ABCC5: variants seen among roughly 807,000 people sequenced by gnomAD.
ABCC5 encodes ATP binding cassette subfamily C member 5.
In ABCC5, 61 loss-of-function variants were observed where a neutral mutation model predicts 160.9. That is an observed-to-expected ratio of 0.38 (90% CI 0.31 to 0.47). The LOEUF (loss-of-function observed/expected upper bound fraction) is 0.47. Ranked by LOEUF, ABCC5 falls within the 20% of genes least tolerant of loss-of-function variation. The pLI is 0.99. For missense variants in ABCC5, 1,308 were observed against 1,813.3 expected (o/e 0.72, Z 5.06); for synonymous variants, 666 against 700.6 (o/e 0.95, Z 0.78).
rs1712872398 is a variant in ABCC5 at position 183,928,830 on chromosome 3, G to A, written c.3855-5C>T. 1 of 1,613,530 alleles carries A rather than the reference G, an allele frequency of 6.2e-7. No individual in the cohort carries two copies. The highest frequency in any genetic ancestry group is 1.1e-5 in the South Asian group (1 of 91,046). On this transcript the variant is annotated splice_region_variant and splice_polypyrimidine_tract_variant and intron_variant, in intron 26 of 29. Transcript: ENST00000334444. The stretch of plus-strand genomic sequence containing the variant: ...TTGAAGGGGTCCAAATTTGATCTAG[G>A]GAGAAACACAGGAATTTCTCAGTGG...
intron 2 of ABCC5, among the ~76,000 whole-genome samples, chr3:184,007,493 T>G (rs886202564): frequency 2.0e-5 from 3 of 152,112 alleles, no homozygotes; most frequent in African/African-American, 7.2e-5. Context: ...AAATATTAAT[T>G]TAAAGCAATT....
intron 10 of ABCC5, among the ~76,000 whole-genome samples, chr3:183,974,285 G>A (rs1463681132): frequency 6.6e-6 from 1 of 152,102 alleles, no homozygotes; most frequent in Admixed American, 6.6e-5. Flanking sequence ...AATATAAGAT[G>A]CCCAGTTAAA....
chr3:183,994,853 ATGTTT>A (rs1720125537), intron 2 of ABCC5, among the ~76,000 whole-genome samples: 1 of 122,846 alleles, frequency 8.1e-6, no homozygotes. Context: ...CCCATTTTCT[ATGTTT>A]TTTTTTTTTT....
chr3:184,010,098 G>A, intron 2 of ABCC5: 1 of 296,290 alleles, frequency 3.4e-6, no homozygotes, highest in South Asian at 3.1e-5. Flanking sequence ...CTTGAGCTCA[G>A]GAGTTCAAGA....
chr3:183,929,411 C>T (rs1004989986), intron 26 of ABCC5, among the ~76,000 whole-genome samples: 5 of 151,910 alleles, frequency 3.3e-5, no homozygotes, highest in Admixed American at 3.3e-4. Context: ...CTAGCCTGGG[C>T]GACAGAGTGA....
At chr3:184,003,285 C>T (rs539221569) in intron 2 of ABCC5, among the ~76,000 whole-genome samples, 4 of 152,092 alleles carry the variant, frequency 2.6e-5, no homozygotes, top group South Asian at 4.2e-4. Flanking sequence ...CTCCCAAGAC[C>T]GGCTGACTTC....
intron 25 of ABCC5, among the ~76,000 whole-genome samples, chr3:183,940,778 A>C (rs1714260490): frequency 6.6e-6 from 1 of 152,174 alleles, no homozygotes; most frequent in South Asian, 2.1e-4. Context: ...GACTGACATG[A>C]CCACAGGAGA....
intron 2 of ABCC5, among the ~76,000 whole-genome samples, chr3:183,999,712 G>A (rs1720589365): frequency 6.6e-6 from 1 of 151,980 alleles, no homozygotes; most frequent in Non-Finnish European, 1.5e-5. Context: ...CTGGTAAGTC[G>A]AGGGTACAGT....
chr3:184,013,174 G>A (rs1319023063), intron 2 of ABCC5, among the ~76,000 whole-genome samples: 1 of 152,130 alleles, frequency 6.6e-6, no homozygotes, highest in African/African-American at 2.4e-5. Flanking sequence ...TTATGAATTC[G>A]CTTGAAAAAC....
At chr3:183,928,355 A>G (rs1577452976) in intron 27 of ABCC5, among the ~76,000 whole-genome samples, 1 of 151,962 alleles carries the variant, frequency 6.6e-6, no homozygotes, top group South Asian at 2.1e-4. Context: ...CAGGTGATCC[A>G]CCTGCCTCGG....
At position 183,965,459 on chromosome 3, in the gene ABCC5, C is replaced by T. The variant is rs377218084; in HGVS notation, c.1876G>A (p.Ala626Thr). Residue 626 changes from alanine to threonine, a missense_variant, in exon 13 of 30, where the codon GCT becomes ACT. Transcript: ENST00000334444. ...EGSIAISGTF[A>T]YVAQQAWILN... is the part of the protein sequence containing the mutation. ...ATCCAGGCCTGCTGGGCCACATAAG[C>T]GAAGGTTCCACTGATTGCAATGCTG... The T allele has an allele frequency of 4.3e-6, 7 of 1,613,634 alleles. No homozygotes were observed. Among genetic ancestry groups the T allele is most frequent in the Middle Eastern group, 1.6e-4 (1 of 6,084 alleles).
At position 184,015,346 on chromosome 3, in the gene ABCC5, C is replaced by T. The variant is rs185557697; in HGVS notation, c.-55-899G>A. ...ACATACTTCTCCAAAATGTTTCCCC[C>T]CTCTAAGAAGGGTCACAGCCTCCCA... On this transcript the variant is annotated intron_variant, in intron 1 of 29. Transcript: ENST00000334444. Among the ~76,000 whole-genome samples, 469 of 152,256 alleles carry T rather than the reference C, an allele frequency of 3.1e-3. 1 individual carries two copies. Among genetic ancestry groups the T allele is most frequent in the African/African-American group, 0.011 (445 of 41,540 alleles).
chr3:184,016,437 G>A (rs968564016), intron 1 of ABCC5, among the ~76,000 whole-genome samples: 10 of 152,170 alleles, frequency 6.6e-5, no homozygotes, highest in Non-Finnish European at 1.5e-4. Context: ...GAACATAAAA[G>A]AGGGCACCCC....
chr3:183,926,149 T>TTG (rs929907439), intron 28 of ABCC5, among the ~76,000 whole-genome samples: 2 of 150,590 alleles, frequency 1.3e-5, no homozygotes, highest in Admixed American at 1.3e-4. Flanking sequence ...ATTGTTTTTT[T>TTG]TTTTTTTTTC....
At chr3:184,011,500 C>CA (rs11389779) in intron 2 of ABCC5, 90,317 of 152,024 alleles carry the variant, frequency 0.59, 27,238 homozygotes, top group East Asian at 0.85. Flanking sequence ...CAGTTTCTTA[C>CA]AAACTAAATA....
At chr3:183,984,873 T>C (rs1406487292) in intron 5 of ABCC5, 6 of 1,581,694 alleles carry the variant, frequency 3.8e-6, no homozygotes, top group East Asian at 2.3e-5. Context: ...TCGGCACTGA[T>C]GGAGCAGTCT....
intron 18 of ABCC5, 93 bp downstream of exon 18, chr3:183,952,993 A>G: frequency 1.5e-6 from 2 of 1,361,034 alleles, no homozygotes; most frequent in Non-Finnish European, 2.0e-6. Context: ...TTTTAAGTGA[A>G]AACTAGAACA....
intron 17 of ABCC5, among the ~76,000 whole-genome samples, chr3:183,956,522 TTACATGCAGATCAGTGTGTATATCACATC>T (rs1166380377): frequency 1.0e-4 from 14 of 139,368 alleles, no homozygotes; most frequent in East Asian, 8.0e-4. Context: ...ATCACATCGG[TTACATGCAGATCAGTGTGTATATCACATC>T]GGTTACATGC....
intron 26 of ABCC5, among the ~76,000 whole-genome samples, chr3:183,931,257 G>A (rs9290778): frequency 2.6e-4 from 39 of 152,052 alleles, no homozygotes; most frequent in Non-Finnish European, 4.6e-4. Context: ...ACAAAAGCGC[G>A]GTCTCCTGCC....
Sources: gnomAD v4.1 joint callset for allele counts (sites outside exome capture counted in the v4.1 genomes callset) on GRCh38, gnomAD v4.1.1 for gene constraint, MANE v1.5 for transcripts, NCBI Gene and HGNC (gene_info 2026-07-23, HGNC 2026-07-21) for gene names.